Variants in HSPA12A observed in about 807,000 individuals in gnomAD.
HSPA12A encodes heat shock 70 kDa protein 12A.
HSPA12A carries 28 observed loss-of-function variants against 69.2 expected under a neutral mutation model. The observed-to-expected ratio is 0.40, with a 90% CI of 0.30 to 0.55. HSPA12A has a LOEUF of 0.55. Among genes scored for constraint, HSPA12A ranks in the 20% least tolerant of loss-of-function variants. The pLI is 0.38. For missense variants in HSPA12A, 686 were observed against 900.7 expected (o/e 0.76, Z 3.05); for synonymous variants, 345 against 370.5 (o/e 0.93, Z 0.79).
At chr10:116,795,982 T>C (rs1375770497) in intron 2 of HSPA12A, among the ~76,000 whole-genome samples, 12 of 148,516 alleles carry the variant, frequency 8.1e-5, no homozygotes, top group Non-Finnish European at 1.6e-4. Context: ...TCGCCTCTAC[T>C]AAAAATACAA....
chr10:116,695,035 T>C (rs1450918061), intron 5 of HSPA12A, among the ~76,000 whole-genome samples: 6 of 152,018 alleles, frequency 3.9e-5, no homozygotes, highest in East Asian at 3.9e-4. Context: ...TGGAATACTG[T>C]TTGCCCAGAA....
At chr10:116,846,340 T>C (rs1564838898) in intron 1 of HSPA12A, among the ~76,000 whole-genome samples, 1 of 148,040 alleles carries the variant, frequency 6.8e-6, no homozygotes, top group Non-Finnish European at 1.5e-5. Flanking sequence ...TCTTTTTTTT[T>C]TTTGTTTTTT....
Position 116,754,114 on chromosome 10 carries a change from A to G in HSPA12A, c.92-46829T>C, listed in dbSNP as rs528428653. Among the ~76,000 whole-genome samples the G allele has an allele frequency of 5.9e-5, 9 of 152,332 alleles. No homozygotes were observed. In the East Asian group the frequency reaches 1.5e-3, roughly 26 times the overall value. ...TTTAGTCACCACTGGCTACACAGCC[A>G]GGTAATGCCCTCAAACTGCTCCACC... On this transcript the variant is annotated intron_variant, in intron 2 of 12. Transcript: ENST00000635765.
chr10:116,829,419 A>AT (rs1564833728), intron 2 of HSPA12A: 1 of 152,354 alleles, frequency 6.6e-6, no homozygotes, highest in South Asian at 2.1e-4. Flanking sequence ...ACAGCAAAGC[A>AT]GGAAGGGGTA....
At chr10:116,798,422 C>A (rs1057413779) in intron 2 of HSPA12A, among the ~76,000 whole-genome samples, 21 of 152,198 alleles carry the variant, frequency 1.4e-4, no homozygotes, top group Admixed American at 6.5e-5. Flanking sequence ...TGCCACTTAA[C>A]CTCGCATAAC....
At chr10:116,739,249 T>A (rs1851404499) in intron 1 of HSPA12A, among the ~76,000 whole-genome samples, 1 of 152,136 alleles carries the variant, frequency 6.6e-6, no homozygotes, top group Admixed American at 6.5e-5. Context: ...GACTGTCAGC[T>A]TTTTCCTCTG....
chr10:116,714,795 A>G (rs1554883589), intron 1 of HSPA12A, among the ~76,000 whole-genome samples: 1 of 152,018 alleles, frequency 6.6e-6, no homozygotes, highest in Non-Finnish European at 1.5e-5. Flanking sequence ...AAACCTATCC[A>G]CAGGCCTTGG....
chr10:116,756,509 C>T (rs1019224842), intron 2 of HSPA12A, among the ~76,000 whole-genome samples: 5 of 152,230 alleles, frequency 3.3e-5, no homozygotes, highest in African/African-American at 4.8e-5. Flanking sequence ...AATGGCTGCC[C>T]TTCCCTGAGC....
At chr10:116,814,672 G>A (rs1013794743) in intron 2 of HSPA12A, among the ~76,000 whole-genome samples, 1 of 152,194 alleles carries the variant, frequency 6.6e-6, no homozygotes, top group Non-Finnish European at 1.5e-5. Flanking sequence ...GGCCAGACTA[G>A]ACAGCTCAGA....
At position 116,840,321 on chromosome 10, in the gene HSPA12A, G is replaced by A. The variant is rs1241646082; in HGVS notation, c.4-5299C>T. On this transcript the variant is annotated intron_variant, in intron 1 of 12. Coordinates refer to the HSPA12A transcript ENST00000635765. ...AATGGCTGTATTTTCAGTAAAGTAA[G>A]AAATGATGATACACAGGAAAACATT... Among the ~76,000 whole-genome samples, 7 of 152,112 alleles carry A rather than the reference G, an allele frequency of 4.6e-5. No individual in the cohort carries two copies. In the East Asian group the frequency reaches 1.3e-3, roughly 29 times the overall value.
chr10:116,703,363 A>G (rs1554881830), intron 3 of HSPA12A, among the ~76,000 whole-genome samples: 1 of 152,100 alleles, frequency 6.6e-6, no homozygotes, highest in Non-Finnish European at 1.5e-5. Context: ...AACCCTTTAT[A>G]AAAATTCCTA....
At chr10:116,717,058 G>A (rs184693736) in intron 1 of HSPA12A, among the ~76,000 whole-genome samples, 1 of 152,318 alleles carries the variant, frequency 6.6e-6, no homozygotes, top group East Asian at 1.9e-4. Context: ...CACTGCATGT[G>A]TATTTCATGC....
intron 2 of HSPA12A, among the ~76,000 whole-genome samples, chr10:116,781,959 G>C (rs1005934751): frequency 6.6e-6 from 1 of 152,166 alleles, no homozygotes; most frequent in Non-Finnish European, 1.5e-5. Flanking sequence ...GTCTCAAACT[G>C]GGAGATAATA....
chr10:116,671,636 T>C lies in HSPA12A; in HGVS notation c.*3145A>G, dbSNP rs1849082353. On this transcript the variant is annotated 3_prime_UTR_variant, in exon 12 of 12. Coordinates refer to ENST00000369209, the MANE Select transcript of HSPA12A (RefSeq NM_025015.3). ...CTATAATCTGGACTCAGCCATCATT[T>C]TGCAAAAACAGTTGTATGGTTCCTC... 1 of 152,770 alleles carries C rather than the reference T, an allele frequency of 6.5e-6. No individual in the cohort carries two copies. The highest frequency in any genetic ancestry group is 3.4e-3 in the Middle Eastern group (1 of 294). The allele number at this position is 152,770 out of a possible 1,614,324, so 9.5% of individuals were successfully genotyped here. A position where few individuals can be genotyped will look rare whatever the true frequency, so the allele number is the denominator to read the frequency against.
intron 1 of HSPA12A, among the ~76,000 whole-genome samples, chr10:116,719,620 T>C (rs782412313): frequency 3.0e-4 from 46 of 152,334 alleles, no homozygotes; most frequent in Non-Finnish European, 5.0e-4. Context: ...GTTTTCCTTA[T>C]GTATTAGATA....
intron 2 of HSPA12A, among the ~76,000 whole-genome samples, chr10:116,812,578 A>C (rs1422973164): frequency 1.3e-5 from 2 of 152,098 alleles, no homozygotes; most frequent in Non-Finnish European, 1.5e-5. Context: ...GCAACCACTG[A>C]GACCAGCAAG....
Position 116,674,816 on chromosome 10 carries a change from T to A in HSPA12A, c.1993A>T (p.Ser665Cys), listed in dbSNP as rs782584268. The change falls in exon 12 of 12, where the codon AGT (serine) becomes TGT (cysteine). Residue 665 changes from serine (S) to cysteine (C), a missense_variant. Transcript: ENST00000369209. The stretch of plus-strand genomic sequence containing the variant: ...AAGAAGTCGATCCCAACTTTGACAC[T>A]CTTCGAAGTGGCTATATCAATGGCT... ...ATAIDIATSK[S>C]VKVGIDFLNY is the part of the protein sequence containing the mutation. The A allele has an allele frequency of 1.9e-6, 3 of 1,611,014 alleles. No homozygotes were observed. Among genetic ancestry groups the A allele is most frequent in the Admixed American group, 3.3e-5 (2 of 59,940 alleles).
At chr10:116,835,537 G>A (rs1845695061) in intron 1 of HSPA12A, among the ~76,000 whole-genome samples, 1 of 152,052 alleles carries the variant, frequency 6.6e-6, no homozygotes, top group Non-Finnish European at 1.5e-5. Context: ...TTCTTAAAAG[G>A]GCTGTAGATA....
chr10:116,725,051 C>G (rs1278071826), intron 1 of HSPA12A, among the ~76,000 whole-genome samples: 1 of 152,228 alleles, frequency 6.6e-6, no homozygotes, highest in African/African-American at 2.4e-5. Context: ...CAGCGAGGAA[C>G]AGCAGAGCTG....
Sources: allele counts gnomAD v4.1 joint callset (sites outside exome capture counted in the v4.1 genomes callset), GRCh38; gene constraint gnomAD v4.1.1; transcripts MANE v1.5; gene names NCBI Gene and HGNC (gene_info 2026-07-23, HGNC 2026-07-21).